The following ZBTB44 variants were observed in gnomAD, a reference collection of about 807,000 sequenced individuals.
ZBTB44 encodes zinc finger and BTB domain containing 44.
Under a neutral mutation model 54.0 loss-of-function variants are expected in ZBTB44, and 15 were observed. That is an observed-to-expected ratio of 0.28 (90% CI 0.19 to 0.43). ZBTB44 has a LOEUF of 0.43. Among genes scored for constraint, ZBTB44 ranks in the 20% least tolerant of loss-of-function variants. The pLI is 1.00. For synonymous variants in ZBTB44, 230 were observed against 250.1 expected, an observed-to-expected ratio of 0.92 and a Z score of 0.76; for missense variants, 487 against 707.1, an observed-to-expected ratio of 0.69 and a Z score of 3.53.
chr11:130,302,875 T>G (rs992705613), intron 1 of ZBTB44, among the ~76,000 whole-genome samples: 9 of 152,120 alleles, frequency 5.9e-5, no homozygotes, highest in Admixed American at 5.2e-4. Context: ...CTCGGGAGGC[T>G]GAGGCGGGAG....
At chr11:130,232,988 G>C (rs967700462) in intron 7 of ZBTB44, 7 of 219,458 alleles carry the variant, frequency 3.2e-5, no homozygotes, top group African/African-American at 1.4e-4. Context: ...GGGCAACAGA[G>C]TGAGATGCCA....
At chr11:130,244,113 G>A (rs1954521342) in intron 2 of ZBTB44, among the ~76,000 whole-genome samples, 1 of 152,152 alleles carries the variant, frequency 6.6e-6, no homozygotes, top group Non-Finnish European at 1.5e-5. Context: ...CCCTGGGCCA[G>A]GCTTTCTCCC....
At chr11:130,304,091 A>G (rs565143270) in intron 1 of ZBTB44, among the ~76,000 whole-genome samples, 110 of 152,374 alleles carry the variant, frequency 7.2e-4, no homozygotes, top group Non-Finnish European at 1.3e-3. Context: ...AAAGGCACAC[A>G]TACAATCATT....
intron 1 of ZBTB44, among the ~76,000 whole-genome samples, chr11:130,303,898 A>G (rs1368004352): frequency 6.6e-6 from 1 of 152,192 alleles, no homozygotes; most frequent in African/African-American, 2.4e-5. Context: ...CACTCTTGCA[A>G]GACAGAGTTA....
chr11:130,255,129 C>T lies in ZBTB44; in HGVS notation c.1018+5727G>A, dbSNP rs371669818. 1.6e-4 allele frequency among the ~76,000 whole-genome samples: 24 copies of T among 151,910 alleles called. No individual in the cohort carries two copies. The East Asian group carries it at 2.3e-3, about 15-fold the overall frequency. ...TAGGAGATATACCTAATGTAAATGA[C>T]GAGTTAATAGGTGCAGCACACCAAC... On this transcript the variant is annotated intron_variant, in intron 2 of 7. Coordinates refer to ENST00000357899, the MANE Select transcript of ZBTB44 (RefSeq NM_001301098.2).
intron 4 of ZBTB44, 36 bp downstream of exon 4, chr11:130,238,408 C>G (rs766639979): frequency 6.4e-7 from 1 of 1,555,832 alleles, no homozygotes; most frequent in African/African-American, 1.4e-5. Flanking sequence ...TGTTTTAGAG[C>G]GTTCACTTAC....
chr11:130,293,107 T>G (rs918982375), intron 1 of ZBTB44, among the ~76,000 whole-genome samples: 1 of 152,100 alleles, frequency 6.6e-6, no homozygotes, highest in Admixed American at 6.5e-5. Flanking sequence ...TTTACTTCCC[T>G]TAAGTGTTTT....
chr11:130,296,174 AGGATTTCTCTG>A, intron 1 of ZBTB44: 1 of 1,370,212 alleles, frequency 7.3e-7, no homozygotes, highest in Admixed American at 1.8e-5. Flanking sequence ...AAGGTTGGCA[AGGATTTCTCTG>A]AAAAAAGGAG....
intron 1 of ZBTB44, chr11:130,295,505 G>A (rs1459813448): frequency 1.0e-5 from 7 of 696,948 alleles, no homozygotes; most frequent in African/African-American, 5.4e-5. Flanking sequence ...AGAAAATAAC[G>A]TAGAGAAGCC....
At chr11:130,297,497 T>C (rs74466555) in intron 1 of ZBTB44, among the ~76,000 whole-genome samples, 3 of 152,360 alleles carry the variant, frequency 2.0e-5, no homozygotes, top group South Asian at 2.1e-4. Flanking sequence ...AAAAGATACG[T>C]TGAGGTCCTA....
intron 2 of ZBTB44, among the ~76,000 whole-genome samples, chr11:130,257,664 A>G (rs1028090581): frequency 1.1e-4 from 17 of 149,534 alleles, no homozygotes; most frequent in Admixed American, 4.6e-4. Flanking sequence ...TTTTTAAACC[A>G]TTCAGTTTGC....
At chr11:130,298,454 AG>A (rs532060356) in intron 1 of ZBTB44, among the ~76,000 whole-genome samples, 1 of 134,740 alleles carries the variant, frequency 7.4e-6, no homozygotes, top group African/African-American at 3.0e-5. Context: ...CAAAAGTTGA[AG>A]TTTTTTTTTT....
intron 1 of ZBTB44, among the ~76,000 whole-genome samples, chr11:130,306,270 A>AG (rs916474685): frequency 6.6e-6 from 1 of 152,138 alleles, no homozygotes; most frequent in African/African-American, 2.4e-5. Flanking sequence ...TGGGAAGCTG[A>AG]GGTGGGCGGA....
intron 5 of ZBTB44, among the ~76,000 whole-genome samples, chr11:130,235,680 G>T (rs999260807): frequency 5.3e-5 from 8 of 151,814 alleles, no homozygotes; most frequent in Non-Finnish European, 7.4e-5. Flanking sequence ...AAAAAAAAAG[G>T]TTTTAAAAAT....
At chr11:130,295,736 T>C in intron 1 of ZBTB44, 1 of 1,531,638 alleles carries the variant, frequency 6.5e-7, no homozygotes, top group Non-Finnish European at 9.0e-7. Flanking sequence ...CAGGCAGTGG[T>C]AAAACCCTGG....
At chr11:130,265,087 C>T (rs1213140232) in intron 1 of ZBTB44, among the ~76,000 whole-genome samples, 1 of 152,134 alleles carries the variant, frequency 6.6e-6, no homozygotes, top group African/African-American at 2.4e-5. Context: ...GACTGATTTA[C>T]CCACTAGTCA....
intron 2 of ZBTB44, among the ~76,000 whole-genome samples, chr11:130,259,667 G>A (rs910559401): frequency 6.6e-6 from 1 of 152,080 alleles, no homozygotes; most frequent in African/African-American, 2.4e-5. Flanking sequence ...CATGGATGAA[G>A]CTGGAAACCA....
At chr11:130,252,280 T>A (rs1401608407) in intron 2 of ZBTB44, among the ~76,000 whole-genome samples, 1 of 152,066 alleles carries the variant, frequency 6.6e-6, no homozygotes, top group Admixed American at 6.5e-5. Flanking sequence ...ATAAAACAAG[T>A]TCTTAGAGAC....
chr11:130,284,373 T>A (rs866431629), intron 1 of ZBTB44, among the ~76,000 whole-genome samples: 2 of 152,246 alleles, frequency 1.3e-5, no homozygotes, highest in Non-Finnish European at 2.9e-5. Context: ...ACTTTGGTAA[T>A]GTATAATTAC....
Sources: allele counts gnomAD v4.1 joint callset (sites outside exome capture counted in the v4.1 genomes callset), GRCh38; gene constraint gnomAD v4.1.1; transcripts MANE v1.5; gene names NCBI Gene and HGNC (gene_info 2026-07-23, HGNC 2026-07-21).